RNF150: variants seen among roughly 807,000 people sequenced by gnomAD.
RNF150 encodes the protein ring finger protein 150.
RNF150 carries 24 observed loss-of-function variants against 39.3 expected under a neutral mutation model. The ratio of observed to expected loss-of-function variants is 0.61; its 90% CI spans 0.44 to 0.86. RNF150 has a LOEUF of 0.86. Among genes scored for constraint, RNF150 ranks in the 40% least tolerant of loss-of-function variants. The pLI is 0.00. For synonymous variants in RNF150, 255 were observed against 227.3 expected (o/e 1.12, Z -1.10); for missense variants, 502 against 587.8 (o/e 0.85, Z 1.51).
intron 1 of RNF150, among the ~76,000 whole-genome samples, chr4:141,073,284 C>G (rs1291880199): frequency 6.6e-6 from 1 of 152,116 alleles, no homozygotes; most frequent in African/African-American, 2.4e-5. Flanking sequence ...GATAGGCACA[C>G]AAGGGGTAAG....
intron 5 of RNF150, 110 bp downstream of exon 5, chr4:140,925,867 C>A: frequency 1.4e-6 from 1 of 737,232 alleles, no homozygotes; most frequent in Non-Finnish European, 2.4e-6. Flanking sequence ...GATGTGACTG[C>A]TATGTGTGAC....
chr4:140,887,663 C>T (rs1043823990), intron 6 of RNF150, among the ~76,000 whole-genome samples: 2 of 152,104 alleles, frequency 1.3e-5, no homozygotes, highest in Admixed American at 6.5e-5. Context: ...TAGCACAACA[C>T]TAGAGCCAGA....
chr4:141,156,140 G>A (rs757490612), intron 1 of RNF150, among the ~76,000 whole-genome samples: 4 of 152,032 alleles, frequency 2.6e-5, no homozygotes, highest in Non-Finnish European at 4.4e-5. Flanking sequence ...TCCCATCATG[G>A]CTGGAAACCC....
intron 1 of RNF150, among the ~76,000 whole-genome samples, chr4:140,977,592 ACG>A (rs1733710808): frequency 6.6e-6 from 1 of 152,162 alleles, no homozygotes; most frequent in South Asian, 2.1e-4. Flanking sequence ...TCTGCACTTT[ACG>A]TCCATATTAT....
chr4:140,891,272 C>T (rs1340713054), intron 6 of RNF150, among the ~76,000 whole-genome samples: 9 of 152,152 alleles, frequency 5.9e-5, no homozygotes, highest in African/African-American at 2.2e-4. Flanking sequence ...TTACAGCAGG[C>T]TACCTAACTT....
At chr4:141,212,264 C>T (rs745662343) in intron 1 of RNF150, among the ~76,000 whole-genome samples, 50 of 152,266 alleles carry the variant, frequency 3.3e-4, no homozygotes, top group Non-Finnish European at 5.4e-4. Context: ...TTCCCATGTG[C>T]CAGGCACTGT....
intron 1 of RNF150, among the ~76,000 whole-genome samples, chr4:141,109,282 T>C (rs2111056127): frequency 6.6e-6 from 1 of 152,268 alleles, no homozygotes. Context: ...TCACCACCTA[T>C]TCTAGCTAGT....
chr4:141,094,110 T>C (rs1738691341), intron 1 of RNF150, among the ~76,000 whole-genome samples: 1 of 152,248 alleles, frequency 6.6e-6, no homozygotes, highest in Admixed American at 6.5e-5. Flanking sequence ...TAAATGTAGA[T>C]GTAAAAAGAG....
At chr4:140,895,155 G>A (rs1729894448) in intron 6 of RNF150, among the ~76,000 whole-genome samples, 1 of 152,168 alleles carries the variant, frequency 6.6e-6, no homozygotes, top group African/African-American at 2.4e-5. Context: ...AGAGGGTCAG[G>A]GGGCACAGGT....
At chr4:140,952,212 C>T (rs909844293) in intron 2 of RNF150, among the ~76,000 whole-genome samples, 1 of 151,984 alleles carries the variant, frequency 6.6e-6, no homozygotes, top group Non-Finnish European at 1.5e-5. Context: ...ATGGGTTTCA[C>T]TACGTTGGCC....
chr4:141,119,646 A>C (rs1259136694), intron 1 of RNF150, among the ~76,000 whole-genome samples: 2 of 152,316 alleles, frequency 1.3e-5, no homozygotes, highest in East Asian at 3.9e-4. Flanking sequence ...CCTCTTTAGA[A>C]ACACTGGCGT....
chr4:140,896,699 AAC>A (rs386401700), intron 6 of RNF150, among the ~76,000 whole-genome samples: 1,827 of 44,398 alleles, frequency 0.041, 55 homozygotes, highest in South Asian at 0.089. Context: ...AAAAAAAAAA[AAC>A]AAAAAAACAA....
In RNF150 at chr4:141,049,922, A is replaced by T. The variant is rs1006805385; in HGVS notation, c.485-82049T>A. On this transcript the variant is annotated intron_variant, in intron 1 of 6. Coordinates refer to ENST00000515673, the MANE Select transcript of RNF150 (RefSeq NM_020724.2). Reference sequence around the variant, plus strand: ...AATGTGGAGAAATATTTATAAAAATATTAAAAGTAGAAATATATGTACAAC... The same window carrying T: ...AATGTGGAGAAATATTTATAAAAATTTTAAAAGTAGAAATATATGTACAAC... Among the ~76,000 whole-genome samples, 7 of 152,272 alleles carry T rather than the reference A, an allele frequency of 4.6e-5. 1 individual carries two copies. In the South Asian group the frequency reaches 1.4e-3, roughly 32 times the overall value.
rs538735486 is a variant in RNF150, at chr4:141,142,570, T to C, written c.-6+70224A>G. The stretch of plus-strand genomic sequence containing the variant: ...CTCTTCCGTCCTTTACCCAGTATAT[T>C]CTGGCTTCTGCCCAGGCCACTCACC... On this transcript the variant is annotated intron_variant, in intron 1 of 7. Coordinates refer to the RNF150 transcript ENST00000420921. Among the ~76,000 whole-genome samples, 11 of 152,380 alleles carry C rather than the reference T, an allele frequency of 7.2e-5. No individual in the cohort carries two copies. The South Asian group carries it at 2.3e-3, about 32-fold the overall frequency.
intron 5 of RNF150, 58 bp downstream of exon 5, chr4:140,925,919 C>A: frequency 1.6e-6 from 2 of 1,227,206 alleles, no homozygotes; most frequent in Non-Finnish European, 2.4e-6. Context: ...TTTCTCCCTG[C>A]TTTGAGGGCA....
chr4:140,916,354 C>A (rs1352996905), intron 5 of RNF150, among the ~76,000 whole-genome samples: 1 of 152,100 alleles, frequency 6.6e-6, no homozygotes, highest in African/African-American at 2.4e-5. Context: ...CCTTACAGGA[C>A]CTGATGGAGC....
intron 1 of RNF150, among the ~76,000 whole-genome samples, chr4:141,100,321 A>G (rs1738960912): frequency 6.6e-6 from 1 of 152,210 alleles, no homozygotes; most frequent in South Asian, 2.1e-4. Context: ...TCTGTCTCAG[A>G]AGAACAGGTA....
chr4:140,869,630 A>G (rs1341705144), intron 6 of RNF150, among the ~76,000 whole-genome samples: 1 of 152,232 alleles, frequency 6.6e-6, no homozygotes, highest in Non-Finnish European at 1.5e-5. Flanking sequence ...TGGAAGATGT[A>G]CCAGGTATTA....
chr4:141,204,844 C>G (rs1257997805), intron 1 of RNF150, among the ~76,000 whole-genome samples: 1 of 152,124 alleles, frequency 6.6e-6, no homozygotes, highest in East Asian at 1.9e-4. Context: ...ATATGCAAAT[C>G]TTATCTCAGC....
Sources: gnomAD v4.1 joint callset for allele counts (sites outside exome capture counted in the v4.1 genomes callset) on GRCh38, gnomAD v4.1.1 for gene constraint, MANE v1.5 for transcripts, NCBI Gene and HGNC (gene_info 2026-07-23, HGNC 2026-07-21) for gene names.